LPCAT3: variants seen among roughly 807,000 people sequenced by gnomAD.
LPCAT3 encodes lysophosphatidylcholine acyltransferase 3, also known as lysophospholipid acyltransferase 5.
Under a neutral mutation model 63.4 loss-of-function variants are expected in LPCAT3, and 21 were observed. The ratio of observed to expected loss-of-function variants is 0.33; its 90% confidence interval spans 0.23 to 0.48. The LOEUF (loss-of-function observed/expected upper bound fraction) is 0.48, where lower values mean the gene tolerates loss of function less well. Among genes scored for constraint, LPCAT3 ranks in the 20% least tolerant of loss-of-function variants. The pLI is 0.99. For synonymous variants in LPCAT3, 242 were observed against 227.5 expected (o/e 1.06, Z -0.58); for missense variants, 451 against 590.6 (o/e 0.76, Z 2.45).
At chr12:6,976,999 T>C (rs1477098364) in intron 12 of LPCAT3, 108 bp from the exon 13 acceptor site, 17 of 654,184 alleles carry the variant, frequency 2.6e-5, no homozygotes, top group Non-Finnish European at 4.1e-5. Context: ...CAGTAGTCAT[T>C]GCCCATACTG....
chr12:6,978,153 T>C (rs190255563), intron 9 of LPCAT3, 188 bp downstream of exon 9: 3 of 702,788 alleles, frequency 4.3e-6, no homozygotes, highest in African/African-American at 1.8e-5. Context: ...TTGCCTTTTT[T>C]TCAAATATGA....
intron 2 of LPCAT3, chr12:6,983,062 G>T: frequency 1.8e-6 from 1 of 556,376 alleles, no homozygotes. Flanking sequence ...GCTCACTGCA[G>T]CCTTGAATTC....
At position 6,982,695 on chromosome 12, in the gene LPCAT3, G is replaced by A. The variant is rs782781622; in HGVS notation, c.347C>T (p.Thr116Ile). 1 of 1,613,138 alleles carries A rather than the reference G, an allele frequency of 6.2e-7. No homozygotes were observed. The highest frequency in any genetic ancestry group is 8.5e-7 in the Non-Finnish European group (1 of 1,179,072). ...GTTTACCATCTGGAAGCAAAAGGTA[G>A]TGAGGACGGCAGTGATGGTGCGGCC... The part of the protein sequence containing the change: ...LMGRTITAVL[T>I]TFCFQMAYLL... Residue 116 changes from threonine (T) to isoleucine (I), a missense_variant, in exon 3 of 13, where the codon ACT becomes ATT. Thr to Ile is a moderately conservative substitution (Grantham distance 89). Coordinates refer to ENST00000261407, the MANE Select transcript of LPCAT3 (RefSeq NM_005768.6).
chr12:6,989,671 G>A lies in LPCAT3; in HGVS notation c.152-6132C>T, dbSNP rs782358118. On this transcript the variant is annotated intron_variant, in intron 1 of 12. Coordinates refer to ENST00000261407, the MANE Select transcript of LPCAT3 (RefSeq NM_005768.6). ...AGCCCTCTTCAGGGGTTGTAGTCAA[G>A]CACAGGGAGTGGATAGAACTGTATT... is the stretch of plus-strand genomic sequence containing the variant. Among the ~76,000 whole-genome samples the A allele has an allele frequency of 3.4e-4, 51 of 152,168 alleles. 1 individual carries two copies. The highest frequency in any genetic ancestry group is 1.6e-3 in the Admixed American group (25 of 15,264).
intron 6 of LPCAT3, 180 bp downstream of exon 6, chr12:6,980,823 TG>T: frequency 2.1e-6 from 1 of 482,448 alleles, no homozygotes; most frequent in Non-Finnish European, 3.6e-6. Flanking sequence ...AATGGATAAC[TG>T]GAAGAACCCT....
chr12:6,978,782 T>C, intron 7 of LPCAT3, 93 bp from the exon 8 acceptor site: 1 of 1,545,186 alleles, frequency 6.5e-7, no homozygotes, highest in Non-Finnish European at 8.7e-7. Context: ...GCTGGCTACT[T>C]CATACCTGCC....
In LPCAT3 at chr12:6,987,336, G is replaced by A. The variant is rs1201478702; in HGVS notation, c.152-3797C>T. The stretch of plus-strand genomic sequence containing the variant: ...GGTAGGAGGTGGCATGTGATGGTTC[G>A]TTTTCTAGCTGGCTGAGATGATGGG... On this transcript the variant is annotated intron_variant, in intron 1 of 12. Transcript: ENST00000261407. The surrounding 1 kb of genome is among the most constrained non-coding windows in gnomAD (Gnocchi z 4.1). Among the ~76,000 whole-genome samples, 1 of 152,172 alleles carries A rather than the reference G, an allele frequency of 6.6e-6. No homozygotes were observed. The highest frequency in any genetic ancestry group is 1.5e-5 in the Non-Finnish European group (1 of 68,034).
rs1555153366 is a variant in LPCAT3, at chr12:6,977,248, G to T, written c.1362C>A (p.Ile454=). The change falls in exon 12 of 13, where the codon ATC becomes ATA. Residue 454 remains isoleucine (I), a synonymous_variant. Coordinates refer to ENST00000261407, the MANE Select transcript of LPCAT3 (RefSeq NM_005768.6). The surrounding 1 kb of genome is among the most constrained non-coding windows in gnomAD (Gnocchi z 4.5). ...WDKWLKVYKS[I]YFLGHIFFLS... ...GGAAGAAGATGTGGCCAAGGAAATA[G>T]ATGGATTTATACACCTGTGGAGAGA... is the stretch of plus-strand genomic sequence containing the variant. 1 of 1,613,612 alleles carries T rather than the reference G, an allele frequency of 6.2e-7. No individual in the cohort carries two copies. The highest frequency in any genetic ancestry group is 8.5e-7 in the Non-Finnish European group (1 of 1,179,502).
chr12:6,998,029 G>A (rs1297864517), intron 1 of LPCAT3, among the ~76,000 whole-genome samples: 1 of 151,940 alleles, frequency 6.6e-6, no homozygotes, highest in Non-Finnish European at 1.5e-5. Context: ...CAGTGTGTGT[G>A]TTTTGAGGCA....
intron 3 of LPCAT3, 69 bp downstream of exon 3, chr12:6,982,607 C>T: frequency 8.6e-7 from 1 of 1,164,826 alleles, no homozygotes; most frequent in East Asian, 2.4e-5. Context: ...ATACCACAGT[C>T]CCCTGCCTAC....
intron 1 of LPCAT3, among the ~76,000 whole-genome samples, chr12:7,005,062 T>G (rs894685132): frequency 1.3e-5 from 2 of 152,224 alleles, no homozygotes; most frequent in East Asian, 3.8e-4. Flanking sequence ...GCCAGAACAT[T>G]AGAAACCCTG....
Position 7,018,024 on chromosome 12 carries a change from C to T in LPCAT3, c.151+250G>A, listed in dbSNP as rs1946806898. 6.6e-6 allele frequency among the ~76,000 whole-genome samples: 1 copy of T among 151,906 alleles called. No homozygotes were observed. The highest frequency in any genetic ancestry group is 1.5e-5 in the Non-Finnish European group (1 of 67,942). ...GAGCCTGGCACAAGAGGGCGGGGGC[C>T]CGACTGAGAGGCCAGAGGGCATGGC... On this transcript the variant is annotated intron_variant, in intron 1 of 12. Coordinates refer to ENST00000261407, the MANE Select transcript of LPCAT3 (RefSeq NM_005768.6). The surrounding 1 kb of genome is among the most constrained non-coding windows in gnomAD (Gnocchi z 4.9).
chr12:6,977,737 A>C lies in LPCAT3; in HGVS notation c.1049T>G (p.Phe350Cys). 2 of 1,613,834 alleles carry C rather than the reference A, an allele frequency of 1.2e-6. No individual in the cohort carries two copies. The highest frequency in any genetic ancestry group is 1.7e-6 in the Non-Finnish European group (2 of 1,179,888). Residue 350 changes from phenylalanine to cysteine, a missense_variant, in exon 10 of 13, where the codon TTC (phenylalanine) becomes TGC (cysteine). By Grantham distance (205) the Phe-to-Cys change is radical. Coordinates refer to ENST00000261407, the MANE Select transcript of LPCAT3 (RefSeq NM_005768.6). This position sits in a 1 kb window ranked among gnomAD's most constrained non-coding sequence, Gnocchi z 4.5. Reference protein sequence around the residue: ...NTNAWVARYIFKRLKFLGNKE... With the variant: ...NTNAWVARYICKRLKFLGNKE... ...ATTTCCAAGGAACTTGAGTCGTTTG[A>C]AGATGTAGCTGGAGAAAAGGGTGGG... is the stretch of plus-strand genomic sequence containing the variant.
intron 1 of LPCAT3, among the ~76,000 whole-genome samples, chr12:7,014,230 C>T (rs1946783197): frequency 6.6e-6 from 1 of 152,196 alleles, no homozygotes; most frequent in Non-Finnish European, 1.5e-5. Context: ...ACCATAATAC[C>T]TTTGAGTGCA....
In LPCAT3 at chr12:6,977,179, C is replaced by T; in HGVS notation, c.1431G>A (p.Val477=). 6.2e-7 allele frequency: 1 copy of T among 1,613,188 alleles called. No individual in the cohort carries two copies. The highest frequency in any genetic ancestry group is 1.1e-5 in the South Asian group (1 of 91,052). The change falls in exon 12 of 13, where the codon GTG becomes GTA. Residue 477 remains valine (V), a synonymous_variant. Transcript: ENST00000261407. The surrounding 1 kb of genome is among the most constrained non-coding windows in gnomAD (Gnocchi z 4.5). ...TCTTCTTTAACTTCTCTTTCCTTGGCACCATTGCTTTGTGAATATAAGGCA... is the reference window on the plus strand; with the variant it reads ...TCTTCTTTAACTTCTCTTTCCTTGGTACCATTGCTTTGTGAATATAAGGCA... ...FILPYIHKAM[V]PRKEKLKKME is the part of the protein sequence containing the mutation.
rs1233754647 is a variant in LPCAT3, at chr12:6,976,266, C to G, written c.*638G>C. The G allele has an allele frequency of 1.3e-5, 2 of 154,238 alleles. No individual in the cohort carries two copies. The highest frequency in any genetic ancestry group is 3.8e-4 in the East Asian group (2 of 5,220). The allele number at this position is 154,238 out of a possible 1,614,324, so 9.6% of individuals were successfully genotyped here. A position where few individuals can be genotyped will look rare whatever the true frequency, so the allele number is the denominator to read the frequency against. On this transcript the variant is annotated 3_prime_UTR_variant, in exon 13 of 13. Coordinates refer to ENST00000261407, the MANE Select transcript of LPCAT3 (RefSeq NM_005768.6). Reference sequence around the variant, plus strand: ...GTGGAGCAGGCAGGGCCTTGCACCCCTCTCCACCCCCCCATGGGGGGGGTG... The same window carrying G: ...GTGGAGCAGGCAGGGCCTTGCACCCGTCTCCACCCCCCCATGGGGGGGGTG...
chr12:7,011,475 G>A (rs1946763819), intron 1 of LPCAT3, among the ~76,000 whole-genome samples: 1 of 151,932 alleles, frequency 6.6e-6, no homozygotes, highest in South Asian at 2.1e-4. Context: ...GTAAAACCCT[G>A]TTTCTACAAA....
intron 3 of LPCAT3, among the ~76,000 whole-genome samples, chr12:6,982,134 T>TG (rs1946477262): frequency 6.6e-6 from 1 of 152,056 alleles, no homozygotes; most frequent in Non-Finnish European, 1.5e-5. Context: ...GGACCACAGG[T>TG]GCATGCCACC....
chr12:7,003,321 C>T (rs1260176931), intron 1 of LPCAT3, among the ~76,000 whole-genome samples: 1 of 149,668 alleles, frequency 6.7e-6, no homozygotes, highest in Non-Finnish European at 1.5e-5. Flanking sequence ...TCTTCCTTTT[C>T]TCTGAAGAAT....
Sources: allele counts gnomAD v4.1 joint callset (sites outside exome capture counted in the v4.1 genomes callset), GRCh38; gene constraint gnomAD v4.1.1; non-coding constraint Gnocchi (gnomAD v3.1); transcripts MANE v1.5; gene names NCBI Gene and HGNC (gene_info 2026-07-23, HGNC 2026-07-21).